The following GABRA4 variants were observed in gnomAD, a reference collection of about 807,000 sequenced individuals.
The protein encoded by GABRA4 is gamma-aminobutyric acid receptor subunit alpha-4.
GABRA4 carries 12 observed loss-of-function variants against 49.7 expected under a neutral mutation model. The observed-to-expected ratio is 0.24, with a 90% CI of 0.15 to 0.39. GABRA4 has a LOEUF of 0.39. Among genes scored for constraint, GABRA4 ranks in the 10% least tolerant of loss-of-function variants. GABRA4 has a pLI of 1.00. For missense variants in GABRA4, 506 were observed against 686.0 expected (o/e 0.74, Z 2.93); for synonymous variants, 288 against 240.2 (o/e 1.20, Z -1.84).
chr4:46,974,992 C>T (rs1169935153), intron 5 of GABRA4, among the ~76,000 whole-genome samples: 2 of 152,026 alleles, frequency 1.3e-5, no homozygotes, highest in Admixed American at 6.6e-5. Flanking sequence ...ATTCCACTAC[C>T]TTTAATTTCT....
chr4:46,989,678 A>G (rs1437879228), intron 2 of GABRA4, among the ~76,000 whole-genome samples: 1 of 152,202 alleles, frequency 6.6e-6, no homozygotes, highest in Non-Finnish European at 1.5e-5. Context: ...ATCACAAACC[A>G]TCCAATTTCA....
At chr4:46,955,718 A>G (rs1217430308) in intron 8 of GABRA4, among the ~76,000 whole-genome samples, 2 of 152,108 alleles carry the variant, frequency 1.3e-5, no homozygotes, top group Non-Finnish European at 2.9e-5. Flanking sequence ...GTAACTGAAT[A>G]TAAAGGTTTG....
rs1446257241 is a variant in GABRA4, at chr4:46,924,121, A to G, written c.*4104T>C. 6.6e-6 allele frequency: 1 copy of G among 152,140 alleles called. No homozygotes were observed. The highest frequency in any genetic ancestry group is 1.5e-5 in the Non-Finnish European group (1 of 68,014). The allele number at this position is 152,140 out of a possible 1,614,324, so 9.4% of individuals were successfully genotyped here. A position where few individuals can be genotyped will look rare whatever the true frequency, so the allele number is the denominator to read the frequency against. On this transcript the variant is annotated 3_prime_UTR_variant, in exon 9 of 9. Transcript: ENST00000264318. ...CTTGTTCCTCTCCTTCAACAATGTA[A>G]TTAAGTTATGTGGATCTTTTATCCA...
At chr4:46,931,770 C>A (rs1176819684) in intron 8 of GABRA4, among the ~76,000 whole-genome samples, 1 of 152,114 alleles carries the variant, frequency 6.6e-6, no homozygotes, top group Non-Finnish European at 1.5e-5. Flanking sequence ...ACAGGTCAGC[C>A]TGGGCTAGCC....
chr4:46,988,166 C>T (rs1314695621), intron 2 of GABRA4, among the ~76,000 whole-genome samples: 1 of 152,178 alleles, frequency 6.6e-6, no homozygotes, highest in African/African-American at 2.4e-5. Context: ...CTTCCAGGAA[C>T]ACCAAATCTG....
At chr4:46,967,811 T>C (rs1722816025) in intron 7 of GABRA4, among the ~76,000 whole-genome samples, 1 of 151,418 alleles carries the variant, frequency 6.6e-6, no homozygotes, top group Admixed American at 6.6e-5. Flanking sequence ...AGAAGCTGAG[T>C]GAGGATGTGT....
At chr4:46,937,621 T>G (rs1721646248) in intron 8 of GABRA4, among the ~76,000 whole-genome samples, 1 of 152,194 alleles carries the variant, frequency 6.6e-6, no homozygotes, top group Non-Finnish European at 1.5e-5. Context: ...TGACAAGAAT[T>G]AAGCATTAAT....
At chr4:46,930,971 G>A (rs538272557) in intron 8 of GABRA4, among the ~76,000 whole-genome samples, 6 of 151,666 alleles carry the variant, frequency 4.0e-5, no homozygotes, top group African/African-American at 1.4e-4. Flanking sequence ...AAAACTGGCA[G>A]GCTTCCTGAA....
At position 46,928,195 on chromosome 4, in the gene GABRA4, A is replaced by G. The variant is rs1022695283; in HGVS notation, c.*30T>C. The G allele has an allele frequency of 6.6e-6, 10 of 1,507,692 alleles. No homozygotes were observed. Among genetic ancestry groups the G allele is most frequent in the Non-Finnish European group, 8.9e-6 (10 of 1,119,294 alleles). The allele number at this position is 1,507,692 out of a possible 1,614,324, so 93.4% of individuals were successfully genotyped here. A position where few individuals can be genotyped will look rare whatever the true frequency, so the allele number is the denominator to read the frequency against. On this transcript the variant is annotated 3_prime_UTR_variant, in exon 9 of 9. Transcript: ENST00000264318. ...TAAAAAGACATTCTGCATTTTCATC[A>G]TCTTTTAGCAAACTACTATAGCAAC... is the stretch of plus-strand genomic sequence containing the variant.
intron 6 of GABRA4, among the ~76,000 whole-genome samples, chr4:46,972,965 A>G (rs1723002850): frequency 6.6e-6 from 1 of 151,822 alleles, no homozygotes; most frequent in African/African-American, 2.4e-5. Context: ...TCTCGCAGTC[A>G]ACACCTTTTA....
intron 8 of GABRA4, among the ~76,000 whole-genome samples, chr4:46,955,966 C>T (rs1394968538): frequency 1.3e-5 from 2 of 152,090 alleles, no homozygotes; most frequent in African/African-American, 2.4e-5. Flanking sequence ...TAAACACTTG[C>T]TATCTGAGTA....
chr4:46,929,404 T>A (rs1721349575), intron 8 of GABRA4, among the ~76,000 whole-genome samples: 1 of 152,038 alleles, frequency 6.6e-6, no homozygotes, highest in Non-Finnish European at 1.5e-5. Context: ...TAAAATTTAA[T>A]TAGAAAAAGG....
At chr4:46,991,698 C>A (rs764399262) in intron 2 of GABRA4, among the ~76,000 whole-genome samples, 6 of 74,998 alleles carry the variant, frequency 8.0e-5, no homozygotes, top group Non-Finnish European at 1.3e-4. Context: ...CCTTCTCCTC[C>A]TACTTACTAA....
chr4:46,986,420 A>AT (rs1399073571), intron 2 of GABRA4, among the ~76,000 whole-genome samples: 1 of 151,306 alleles, frequency 6.6e-6, no homozygotes, highest in Non-Finnish European at 1.5e-5. Context: ...TCCTTTCTTT[A>AT]TTTTTTCTTT....
intron 8 of GABRA4, among the ~76,000 whole-genome samples, chr4:46,951,381 T>C (rs1309405916): frequency 6.6e-6 from 1 of 151,612 alleles, no homozygotes; most frequent in African/African-American, 2.4e-5. Context: ...AATCAACAAA[T>C]ATTGGGTGCC....
intron 2 of GABRA4, 145 bp from the exon 3 acceptor site, chr4:46,979,243 A>G (rs1723263500): frequency 3.3e-6 from 2 of 603,316 alleles, no homozygotes; most frequent in South Asian, 4.4e-5. Context: ...ATGAATCTCT[A>G]CAAAACAAAT....
At chr4:46,963,473 T>G (rs1438293800) in intron 8 of GABRA4, among the ~76,000 whole-genome samples, 1 of 151,794 alleles carries the variant, frequency 6.6e-6, no homozygotes, top group African/African-American at 2.4e-5. Flanking sequence ...TATCAGGGGT[T>G]TCTGCTTTTG....
chr4:46,939,114 G>A (rs941925699), intron 8 of GABRA4, among the ~76,000 whole-genome samples: 2 of 151,946 alleles, frequency 1.3e-5, no homozygotes, highest in Non-Finnish European at 2.9e-5. Flanking sequence ...AGAAGATGCT[G>A]TTGATATTAG....
At chr4:46,934,647 A>G (rs1489291210) in intron 8 of GABRA4, among the ~76,000 whole-genome samples, 1 of 152,216 alleles carries the variant, frequency 6.6e-6, no homozygotes, top group African/African-American at 2.4e-5. Flanking sequence ...TTACCAGAAA[A>G]AGAAATCTTA....
Sources: allele counts gnomAD v4.1 joint callset (sites outside exome capture counted in the v4.1 genomes callset), GRCh38; gene constraint gnomAD v4.1.1; transcripts MANE v1.5; gene names NCBI Gene and HGNC (gene_info 2026-07-23, HGNC 2026-07-21).